CLRN2: variants seen among roughly 807,000 people sequenced by gnomAD.
CLRN2 encodes the protein clarin 2.
Under a neutral mutation model 20.1 loss-of-function variants are expected in CLRN2, and 17 were observed. The ratio of observed to expected loss-of-function variants is 0.85; its 90% CI spans 0.58 to 1.27. CLRN2 has a LOEUF of 1.27. Ranked by LOEUF, CLRN2 falls within the 50% of genes most tolerant of loss-of-function variation. The pLI, the probability that CLRN2 is intolerant of heterozygous loss-of-function variation, is 0.00. For synonymous variants in CLRN2, 140 were observed against 126.9 expected, an observed-to-expected ratio of 1.10 and a Z score of -0.70; for missense variants, 288 against 299.5, an observed-to-expected ratio of 0.96 and a Z score of 0.28.
At chr4:17,525,849 A>G (rs1711961237) in intron 2 of CLRN2, among the ~76,000 whole-genome samples, 1 of 152,214 alleles carries the variant, frequency 6.6e-6, no homozygotes, top group African/African-American at 2.4e-5. Context: ...TTAGGATAAA[A>G]GTAAATTTGC....
At position 17,526,839 on chromosome 4, in the gene CLRN2, CG is replaced by C; in HGVS notation, c.457del (p.Ala153ProfsTer7). ...CAGGCGGCGTCGTGGCGTTAGCCAT[CG>C]CCAGCTTCGTGGCTGCGGTGAAATT... ...LAGGVVALAI[A>X]SFVAAVKFHD... On this transcript the variant is annotated frameshift_variant, in exon 3 of 3. Transcript: ENST00000511148. LOFTEE classifies it high-confidence loss of function. The C allele has an allele frequency of 6.2e-7, 1 of 1,614,036 alleles. No individual in the cohort carries two copies. Among genetic ancestry groups the C allele is most frequent in the Non-Finnish European group, 8.5e-7 (1 of 1,179,900 alleles).
chr4:17,523,589 AG>A (rs1244842088), intron 2 of CLRN2, among the ~76,000 whole-genome samples: 7 of 151,852 alleles, frequency 4.6e-5, no homozygotes, highest in Non-Finnish European at 1.0e-4. Flanking sequence ...TCGAGGTGAA[AG>A]AAGAAGCCAG....
In CLRN2 at chr4:17,526,834, G is replaced by A. The variant is rs1711988967; in HGVS notation, c.451G>A (p.Ala151Thr). Residue 151 changes from alanine (A) to threonine (T), a missense_variant, in exon 3 of 3, where the codon GCC (alanine) becomes ACC (threonine). By Grantham distance (58) the Ala-to-Thr change is moderately conservative. Coordinates refer to ENST00000511148, the MANE Select transcript of CLRN2 (RefSeq NM_001079827.2). ...NVLAGGVVAL[A>T]IASFVAAVKF... ...AGTTTCAGGCGGCGTCGTGGCGTTA[G>A]CCATCGCCAGCTTCGTGGCTGCGGT... 2 of 1,614,054 alleles carry A rather than the reference G, an allele frequency of 1.2e-6. No homozygotes were observed. The highest frequency in any genetic ancestry group is 1.1e-5 in the South Asian group (1 of 91,088).
chr4:17,520,222 C>T (rs534777985), intron 1 of CLRN2, among the ~76,000 whole-genome samples: 1 of 152,198 alleles, frequency 6.6e-6, no homozygotes, highest in South Asian at 2.1e-4. Context: ...CCACATTCCC[C>T]AAATTCCCTC....
Position 17,515,533 on chromosome 4 carries a change from G to A in CLRN2, c.253+14G>A. ...CCCAATTCACGAGTGAGTATATTGG[G>A]AGCATGAAAGCTGATTCTAGGCACT... On this transcript the variant is annotated intron_variant, in intron 1 of 2. Transcript: ENST00000511148. 1 of 1,611,614 alleles carries A rather than the reference G, an allele frequency of 6.2e-7. No homozygotes were observed. Among genetic ancestry groups the A allele is most frequent in the Non-Finnish European group, 8.5e-7 (1 of 1,178,122 alleles).
At chr4:17,522,722 G>C (rs1288792345) in intron 1 of CLRN2, 142 bp from the exon 2 acceptor site, 8 of 770,128 alleles carry the variant, frequency 1.0e-5, no homozygotes, top group Non-Finnish European at 1.7e-5. Flanking sequence ...ATCTCAGAAA[G>C]TCTCCCGCTG....
rs927129365 is a variant in CLRN2 at position 17,517,845 on chromosome 4, C to T, written c.253+2326C>T. Among the ~76,000 whole-genome samples the T allele has an allele frequency of 3.3e-5, 5 of 152,150 alleles. No individual in the cohort carries two copies. The East Asian group carries it at 7.7e-4, about 23-fold the overall frequency. ...ATGTGATTCTCTTTCAAAGCATTCA[C>T]GAGGAGCCTGGGGCCAGGTTCCTCC... On this transcript the variant is annotated intron_variant, in intron 1 of 2. Transcript: ENST00000511148.
Position 17,526,883 on chromosome 4 carries a change from G to A in CLRN2, c.500G>A (p.Arg167Gln), listed in dbSNP as rs148592734. ...GTGAAATTTCACGACCTGACGGAAC[G>A]AATCGCCAACTTTCAGGAGAAGCTC... ...AAVKFHDLTERIANFQEKLFQ... is the reference protein window; with the variant it reads ...AAVKFHDLTEQIANFQEKLFQ... Residue 167 changes from arginine (R) to glutamine (Q), a missense_variant, in exon 3 of 3, where the codon CGA becomes CAA. Coordinates refer to ENST00000511148, the MANE Select transcript of CLRN2 (RefSeq NM_001079827.2). The A allele has an allele frequency of 6.2e-6, 10 of 1,614,030 alleles. No homozygotes were observed. Among genetic ancestry groups the A allele is most frequent in the African/African-American group, 2.7e-5 (2 of 75,066 alleles).
chr4:17,515,380 C>G lies in CLRN2; in HGVS notation c.114C>G (p.Ile38Met), dbSNP rs267600080. 1.2e-6 allele frequency: 2 copies of G among 1,613,972 alleles called. No homozygotes were observed. Among genetic ancestry groups the G allele is most frequent in the South Asian group, 2.2e-5 (2 of 91,076 alleles). The change falls in exon 1 of 3, where the codon ATC (isoleucine) becomes ATG (methionine). Residue 38 changes from isoleucine (I) to methionine (M), a missense_variant. Physicochemically the swap from Ile to Met is conservative, Grantham distance 10. Transcript: ENST00000511148. ...LVVPHWLSGK[I>M]LCQTGVDLVN... is the part of the protein sequence containing the mutation. ...TGCCCCACTGGCTGAGTGGGAAAAT[C>G]CTTTGTCAGACTGGAGTGGATCTGG...
chr4:17,518,068 A>T (rs1052005663), intron 1 of CLRN2, among the ~76,000 whole-genome samples: 8 of 152,100 alleles, frequency 5.3e-5, no homozygotes, highest in African/African-American at 1.9e-4. Flanking sequence ...GTAGAAAAAA[A>T]AAAAAATAAT....
intron 1 of CLRN2, among the ~76,000 whole-genome samples, chr4:17,516,968 C>T (rs1239303241): frequency 6.6e-6 from 1 of 152,144 alleles, no homozygotes; most frequent in Non-Finnish European, 1.5e-5. Context: ...AGTGATTGTC[C>T]GCTATCTCAA....
chr4:17,518,809 A>G (rs1481217999), intron 1 of CLRN2, among the ~76,000 whole-genome samples: 1 of 152,120 alleles, frequency 6.6e-6, no homozygotes. Flanking sequence ...ACCATCTGAT[A>G]AAGGAGAGGC....
rs200583408 is a variant in CLRN2, at chr4:17,518,148, G to GT, written c.253+2632dup. On this transcript the variant is annotated intron_variant, in intron 1 of 2. Coordinates refer to ENST00000511148, the MANE Select transcript of CLRN2 (RefSeq NM_001079827.2). ...GCTTTGCAAACTCTGGGATGGGGAG[G>GT]TTTATTGGGTCTCGTTCACAAACAG... is the stretch of plus-strand genomic sequence containing the variant. Among the ~76,000 whole-genome samples the GT allele has an allele frequency of 4.8e-3, 737 of 152,118 alleles. 4 individuals carry two copies. Among genetic ancestry groups the GT allele is most frequent in the African/African-American group, 0.017 (685 of 41,500 alleles).
At chr4:17,524,018 A>G (rs1357301734) in intron 2 of CLRN2, among the ~76,000 whole-genome samples, 2 of 151,844 alleles carry the variant, frequency 1.3e-5, no homozygotes, top group South Asian at 2.1e-4. Context: ...TATGGGAGGT[A>G]TTATTAGACC....
In CLRN2 at chr4:17,521,107, A is replaced by C. The variant is rs28572164; in HGVS notation, c.254-1757A>C. On this transcript the variant is annotated intron_variant, in intron 1 of 2. Transcript: ENST00000511148. ...TTTGAAAAGAGAAAAAAAAAATCTAAGGGACATTAAGATGGGATAGAAGCA... is the reference window on the plus strand; with the variant it reads ...TTTGAAAAGAGAAAAAAAAAATCTACGGGACATTAAGATGGGATAGAAGCA... Among the ~76,000 whole-genome samples, 914 of 152,338 alleles carry C rather than the reference A, an allele frequency of 6.0e-3. 8 individuals are homozygous for C. Among genetic ancestry groups the C allele is most frequent in the African/African-American group, 0.021 (876 of 41,566 alleles).
Position 17,526,992 on chromosome 4 carries a change from G to A in CLRN2, c.609G>A (p.Leu203=), listed in dbSNP as rs766889586. The A allele has an allele frequency of 2.7e-5, 43 of 1,613,178 alleles. No homozygotes were observed. In the East Asian group the frequency reaches 9.1e-4, roughly 34 times the overall value. ...VASASAHAAN[L]VVVAISQIPL... ...GCGCTTCGGCCCATGCTGCAAACTT[G>A]GTCGTGGTGGCGATCAGTCAAATTC... is the stretch of plus-strand genomic sequence containing the variant. Residue 203 remains leucine, a synonymous_variant, in exon 3 of 3, where the codon TTG becomes TTA. Transcript: ENST00000511148.
At position 17,521,814 on chromosome 4, in the gene CLRN2, CG is replaced by C. The variant is rs1364100437; in HGVS notation, c.254-1049del. On this transcript the variant is annotated intron_variant, in intron 1 of 2. Transcript: ENST00000511148. ...CTGATTAGCTGGTACAGCTGAGCCC[CG>C]ATTGGTCATTACAGCTGAGCCCTGA... Among the ~76,000 whole-genome samples, 3 of 152,086 alleles carry C rather than the reference CG, an allele frequency of 2.0e-5. No individual in the cohort carries two copies. In the East Asian group the frequency reaches 5.8e-4, roughly 29 times the overall value.
At position 17,526,995 on chromosome 4, in the gene CLRN2, C is replaced by G. The variant is rs563515442; in HGVS notation, c.612C>G (p.Val204=). The G allele has an allele frequency of 4.3e-6, 7 of 1,613,946 alleles. No homozygotes were observed. In the East Asian group the frequency reaches 1.6e-4, roughly 36 times the overall value. ...CTTCGGCCCATGCTGCAAACTTGGTCGTGGTGGCGATCAGTCAAATTCCCC... is the reference window on the plus strand; with the variant it reads ...CTTCGGCCCATGCTGCAAACTTGGTGGTGGTGGCGATCAGTCAAATTCCCC... ...ASASAHAANL[V]VVAISQIPLP... Residue 204 remains valine (V), a synonymous_variant, in exon 3 of 3, where the codon GTC becomes GTG. Transcript: ENST00000511148.
intron 2 of CLRN2, among the ~76,000 whole-genome samples, chr4:17,524,647 T>C (rs2034494): frequency 0.62 from 94,026 of 151,836 alleles, 29,484 homozygotes; most frequent in Middle Eastern, 0.74. Context: ...TAAATAAATA[T>C]TTATCTCTGT....
Sources: allele counts gnomAD v4.1 joint callset (sites outside exome capture counted in the v4.1 genomes callset), GRCh38; gene constraint gnomAD v4.1.1; transcripts MANE v1.5; gene names NCBI Gene and HGNC (gene_info 2026-07-23, HGNC 2026-07-21).